The following RAD21L1 variants were observed in gnomAD, a reference collection of about 807,000 sequenced individuals.
RAD21L1 encodes the protein RAD21 cohesin complex component like 1.
In RAD21L1, 47 loss-of-function variants were observed where a neutral mutation model predicts 69.0. The ratio of observed to expected loss-of-function variants is 0.68; its 90% CI spans 0.54 to 0.87. RAD21L1 has a LOEUF of 0.87. Among genes scored for constraint, RAD21L1 ranks in the 40% least tolerant of loss-of-function variants. The probability of loss-of-function intolerance (pLI) is 0.00; values close to 1 mark genes in which losing one functional copy is unlikely to be tolerated. For missense variants in RAD21L1, 583 were observed against 647.6 expected, an observed-to-expected ratio of 0.90 and a Z score of 1.08; for synonymous variants, 177 against 205.8, an observed-to-expected ratio of 0.86 and a Z score of 1.20.
chr20:1,237,810 T>A (rs1256222965), intron 5 of RAD21L1, among the ~76,000 whole-genome samples: 1 of 152,202 alleles, frequency 6.6e-6, no homozygotes, highest in Non-Finnish European at 1.5e-5. Flanking sequence ...ATAAACTCTA[T>A]GTAATATGTT....
chr20:1,252,179 A>G (rs1270956443), intron 13 of RAD21L1, among the ~76,000 whole-genome samples: 1 of 152,162 alleles, frequency 6.6e-6, no homozygotes, highest in Non-Finnish European at 1.5e-5. Context: ...ATTTTCTTGA[A>G]TGTATTCCTT....
intron 4 of RAD21L1, among the ~76,000 whole-genome samples, chr20:1,233,439 G>T (rs567921899): frequency 8.5e-5 from 13 of 152,190 alleles, no homozygotes; most frequent in Non-Finnish European, 1.3e-4. Flanking sequence ...TGATACCTCA[G>T]AGGCCAAGAG....
At chr20:1,228,995 T>G (rs2087327538) in intron 2 of RAD21L1, among the ~76,000 whole-genome samples, 2 of 152,216 alleles carry the variant, frequency 1.3e-5, no homozygotes. Context: ...AACAGTAAAG[T>G]ACTATGTTCA....
At chr20:1,232,194 A>G (rs989141117) in intron 4 of RAD21L1, among the ~76,000 whole-genome samples, 2 of 152,178 alleles carry the variant, frequency 1.3e-5, no homozygotes, top group Admixed American at 6.5e-5. Context: ...GCAAGGAGGC[A>G]AGTGAGACTC....
intron 13 of RAD21L1, among the ~76,000 whole-genome samples, chr20:1,251,649 T>A (rs185777876): frequency 6.6e-6 from 1 of 152,040 alleles, no homozygotes; most frequent in Non-Finnish European, 1.5e-5. Flanking sequence ...TTTAATAACA[T>A]CTTTTATCCT....
At position 1,240,336 on chromosome 20, in the gene RAD21L1, C is replaced by CA; in HGVS notation, c.759dup (p.Glu254ArgfsTer7). On this transcript the variant is annotated frameshift_variant, in exon 8 of 14. Coordinates refer to ENST00000683101, the MANE Select transcript of RAD21L1 (RefSeq NM_001384355.1). LOFTEE classifies it high-confidence loss of function. ...TGTTGATTAGTTGAACCAGATAACT[C>CA]AGAGTGTATATGTGTACCTGAAAAT... 6.5e-7 allele frequency: 1 copy of CA among 1,537,122 alleles called. No individual in the cohort carries two copies. The highest frequency in any genetic ancestry group is 8.8e-7 in the Non-Finnish European group (1 of 1,142,058).
At position 1,240,356 on chromosome 20, in the gene RAD21L1, G is replaced by GA. The variant is rs1278047295; in HGVS notation, c.782dup (p.Asn261LysfsTer2). On this transcript the variant is annotated frameshift_variant, in exon 8 of 14. Coordinates refer to ENST00000683101, the MANE Select transcript of RAD21L1 (RefSeq NM_001384355.1). LOFTEE classifies it high-confidence loss of function. ...TAACTCAGAGTGTATATGTGTACCTGAAAATGAAAAAATGAATGAAACAAT... is the reference window on the plus strand; with the variant it reads ...TAACTCAGAGTGTATATGTGTACCTGAAAAATGAAAAAATGAATGAAACAAT... The GA allele has an allele frequency of 6.5e-6, 10 of 1,548,654 alleles. No homozygotes were observed. The highest frequency in any genetic ancestry group is 8.7e-6 in the Non-Finnish European group (10 of 1,145,782).
intron 4 of RAD21L1, among the ~76,000 whole-genome samples, chr20:1,232,044 A>T (rs1014872626): frequency 1.3e-5 from 2 of 152,222 alleles, no homozygotes; most frequent in Non-Finnish European, 2.9e-5. Context: ...AAACAGTAAG[A>T]CAGGAAAGGC....
chr20:1,244,584 C>G (rs752019233), intron 11 of RAD21L1, among the ~76,000 whole-genome samples: 1 of 152,040 alleles, frequency 6.6e-6, no homozygotes, highest in African/African-American at 2.4e-5. Context: ...TTTAGACCCA[C>G]CAATTCCTTG....
rs1197517604 is a variant in RAD21L1, at chr20:1,246,281, A to G, written c.1377A>G (p.Glu459=). The change falls in exon 12 of 14, where the codon GAA becomes GAG. Residue 459 remains glutamate (E), a synonymous_variant. Transcript: ENST00000683101. The surrounding 1 kb of genome is among the most constrained non-coding windows in gnomAD (Gnocchi z 4.6). The part of the protein sequence containing the change: ...SSLMNDLFAQ[E]IEYSPVELES... ...TAATGAATGACTTATTTGCACAAGA[A>G]ATTGAATATAGTCCAGTTGAATTGG... 6.5e-7 allele frequency: 1 copy of G among 1,527,290 alleles called. No homozygotes were observed. The highest frequency in any genetic ancestry group is 8.8e-7 in the Non-Finnish European group (1 of 1,131,236). 94.6% of individuals were successfully genotyped at this position (1,527,290 alleles called of 1,614,324 possible). A position where few individuals can be genotyped will look rare whatever the true frequency, so the allele number is the denominator to read the frequency against.
At chr20:1,250,252 C>A (rs916915899) in intron 13 of RAD21L1, among the ~76,000 whole-genome samples, 70 of 142,568 alleles carry the variant, frequency 4.9e-4, no homozygotes, top group African/African-American at 1.7e-3. Context: ...CTTTTTTTTT[C>A]TTTTTTTCTT....
At chr20:1,235,456 A>C (rs1003647481) in intron 5 of RAD21L1, among the ~76,000 whole-genome samples, 4 of 152,200 alleles carry the variant, frequency 2.6e-5, no homozygotes, top group African/African-American at 9.6e-5. Context: ...CAATAAAATG[A>C]ATTATTAGAA....
chr20:1,228,488 G>A lies in RAD21L1; in HGVS notation c.35G>A (p.Gly12Glu), dbSNP rs1350258938. 1 of 1,549,930 alleles carries A rather than the reference G, an allele frequency of 6.5e-7. No homozygotes were observed. The highest frequency in any genetic ancestry group is 2.5e-5 in the East Asian group (1 of 40,744). The change falls in exon 2 of 14, where the codon GGG becomes GAG. Residue 12 changes from glycine (G) to glutamate (E), a missense_variant. Transcript: ENST00000683101. ...FYTHVLMSKRGPLAKIWLAAH... is the reference protein window; with the variant it reads ...FYTHVLMSKREPLAKIWLAAH... ...ACACATGTGCTTATGAGTAAACGAG[G>A]GCCATTGGCCAAAATATGGCTTGCA...
intron 5 of RAD21L1, among the ~76,000 whole-genome samples, chr20:1,237,421 C>G (rs921686665): frequency 1.3e-5 from 2 of 151,916 alleles, no homozygotes; most frequent in Non-Finnish European, 2.9e-5. Context: ...TGTGTTTCCT[C>G]ATCTGTACAA....
intron 9 of RAD21L1, 21 bp from the exon 10 acceptor site, chr20:1,243,073 AAAC>A: frequency 6.9e-7 from 1 of 1,449,876 alleles, no homozygotes; most frequent in South Asian, 1.3e-5. Flanking sequence ...AAAACAAAAA[AAAC>A]AAAAATGTGT....
Position 1,249,809 on chromosome 20 carries a change from C to T in RAD21L1, c.1479+1106C>T, listed in dbSNP as rs553499791. Reference sequence around the variant, plus strand: ...ACATTGAAGCTTCATAGCATAATTACATTTCTTGTCAACTTTATGGTTGTT... The same window carrying T: ...ACATTGAAGCTTCATAGCATAATTATATTTCTTGTCAACTTTATGGTTGTT... On this transcript the variant is annotated intron_variant, in intron 13 of 13. Coordinates refer to ENST00000683101, the MANE Select transcript of RAD21L1 (RefSeq NM_001384355.1). Among the ~76,000 whole-genome samples the T allele has an allele frequency of 1.2e-4, 19 of 152,156 alleles. No homozygotes were observed. The East Asian group carries it at 3.5e-3, about 28-fold the overall frequency.
At chr20:1,245,347 A>G (rs770943185) in intron 11 of RAD21L1, among the ~76,000 whole-genome samples, 1 of 152,204 alleles carries the variant, frequency 6.6e-6, no homozygotes, top group Non-Finnish European at 1.5e-5. Context: ...CAGAATTTTT[A>G]TATACCATAC....
chr20:1,254,046 C>T (rs547841672), intron 13 of RAD21L1, among the ~76,000 whole-genome samples: 37 of 152,258 alleles, frequency 2.4e-4, no homozygotes, highest in South Asian at 8.3e-4. Context: ...TATAACACTT[C>T]GGAATTCTTT....
At chr20:1,235,000 CCCAAATTGTTGGGT>C (rs2087465551) in intron 5 of RAD21L1, among the ~76,000 whole-genome samples, 1 of 152,168 alleles carries the variant, frequency 6.6e-6, no homozygotes, top group Admixed American at 6.5e-5. Context: ...GCCTCAGACT[CCCAAATTGTTGGGT>C]TTACAGGCAT....
Sources: gnomAD v4.1 joint callset for allele counts (sites outside exome capture counted in the v4.1 genomes callset) on GRCh38, gnomAD v4.1.1 for gene constraint, Gnocchi (gnomAD v3.1) non-coding constraint, MANE v1.5 for transcripts, NCBI Gene and HGNC (gene_info 2026-07-23, HGNC 2026-07-21) for gene names.